Variants in EFHC2 observed in about 807,000 individuals in gnomAD.
The protein encoded by EFHC2 is EF-hand domain-containing family member C2.
In EFHC2, 18 loss-of-function variants were observed where a neutral mutation model predicts 52.7. The ratio of observed to expected loss-of-function variants is 0.34; its 90% CI spans 0.24 to 0.51. EFHC2 has a LOEUF of 0.51. Ranked by LOEUF, EFHC2 falls within the 20% of genes least tolerant of loss-of-function variation. EFHC2 has a pLI of 0.97. For missense variants in EFHC2, 513 were observed against 562.5 expected, an observed-to-expected ratio of 0.91 and a Z score of 0.89; for synonymous variants, 203 against 204.1, an observed-to-expected ratio of 0.99 and a Z score of 0.04.
At position 44,312,558 on chromosome X, in the gene EFHC2, T is replaced by C. The variant is rs1161981631; in HGVS notation, c.231+10A>G. ...TAAGACTGCATTCCTCCCAGTGTCATGTGACTTACCTGTTTATCAAAGGCT... is the reference window on the plus strand; with the variant it reads ...TAAGACTGCATTCCTCCCAGTGTCACGTGACTTACCTGTTTATCAAAGGCT... On this transcript the variant is annotated intron_variant, in intron 2 of 14. Coordinates refer to ENST00000420999, the MANE Select transcript of EFHC2 (RefSeq NM_025184.4). The C allele has an allele frequency of 8.5e-7, 1 of 1,181,726 alleles. No individual in the cohort carries two copies.
chrX:44,168,714 T>C (rs1312846032), intron 13 of EFHC2, among the ~76,000 whole-genome samples: 1 of 110,131 alleles, frequency 9.1e-6, no homozygotes, highest in Non-Finnish European at 1.9e-5. Context: ...GTGCCTTCCT[T>C]CCCCTTTTCT....
Position 44,177,827 on chromosome X carries a change from C to T in EFHC2, c.1949+540G>A, listed in dbSNP as rs2036798777. Among the ~76,000 whole-genome samples, 3 of 110,671 alleles carry T rather than the reference C, an allele frequency of 2.7e-5. No homozygotes were observed. The South Asian group carries it at 1.1e-3, about 42-fold the overall frequency. ...CCTCCTAACATTTTGATTTACTATGCTTCAGTTGAAAGCTTCTAGAAACAA... is the reference window on the plus strand; with the variant it reads ...CCTCCTAACATTTTGATTTACTATGTTTCAGTTGAAAGCTTCTAGAAACAA... On this transcript the variant is annotated intron_variant, in intron 12 of 14. Coordinates refer to ENST00000420999, the MANE Select transcript of EFHC2 (RefSeq NM_025184.4).
Position 44,343,657 on chromosome X carries a change from G to A in EFHC2, c.-69C>T, listed in dbSNP as rs1414181079. On this transcript the variant is annotated 5_prime_UTR_variant, in exon 1 of 15. In the 5' UTR this introduces an upstream ATG that the reference lacks. Coordinates refer to ENST00000420999, the MANE Select transcript of EFHC2 (RefSeq NM_025184.4). The stretch of plus-strand genomic sequence containing the variant: ...CGGCAGGCAGCGGCGCCTCCCGGCC[G>A]TGTTGTTTGGCCCCCACGTTGCCTG... 8.9e-7 allele frequency: 1 copy of A among 1,117,838 alleles called. No homozygotes were observed. The allele number at this position is 1,117,838 out of a possible 1,213,427, so 92.1% of individuals were successfully genotyped here.
intron 11 of EFHC2, among the ~76,000 whole-genome samples, chrX:44,225,437 A>G (rs982497482): frequency 2.7e-5 from 3 of 109,791 alleles, no homozygotes; most frequent in Non-Finnish European, 5.7e-5. Context: ...CTGAGAGGAG[A>G]TGCACATCTC....
At chrX:44,282,012 C>T (rs900846147) in intron 2 of EFHC2, among the ~76,000 whole-genome samples, 1 of 110,793 alleles carries the variant, frequency 9.0e-6, no homozygotes, top group Non-Finnish European at 1.9e-5. Flanking sequence ...TTATGAGGAA[C>T]CAATTTAAAA....
chrX:44,257,638 C>G (rs2037501839), intron 4 of EFHC2, among the ~76,000 whole-genome samples: 1 of 111,490 alleles, frequency 9.0e-6, no homozygotes, highest in Non-Finnish European at 1.9e-5. Flanking sequence ...TAAGGGAGGA[C>G]ACAAACAAAT....
chrX:44,304,132 C>T (rs2037887379), intron 2 of EFHC2, among the ~76,000 whole-genome samples: 3 of 112,276 alleles, frequency 2.7e-5, no homozygotes, highest in South Asian at 3.7e-4. Flanking sequence ...GCCACCATAG[C>T]GTAGCATAAA....
chrX:44,243,419 T>C (rs184023617), intron 7 of EFHC2, among the ~76,000 whole-genome samples: 63 of 112,308 alleles, frequency 5.6e-4, no homozygotes, highest in Non-Finnish European at 9.6e-4. Flanking sequence ...CAAATTTTAG[T>C]GCACACCTCC....
Position 44,257,773 on chromosome X carries a change from GA to G in EFHC2, c.606+3301del, listed in dbSNP as rs745370152. 3.0e-3 allele frequency among the ~76,000 whole-genome samples: 340 copies of G among 111,534 alleles called. 2 individuals carry two copies. The highest frequency in any genetic ancestry group is 9.3e-3 in the Middle Eastern group (2 of 215). ...ACCACTGACTTTCTTCACAGAATTA[GA>G]AAAAAACTACTTTACATTTTATATA... On this transcript the variant is annotated intron_variant, in intron 4 of 14. Coordinates refer to ENST00000420999, the MANE Select transcript of EFHC2 (RefSeq NM_025184.4).
At chrX:44,234,832 C>T (rs1459224817) in intron 9 of EFHC2, among the ~76,000 whole-genome samples, 1 of 111,842 alleles carries the variant, frequency 8.9e-6, no homozygotes, top group Non-Finnish European at 1.9e-5. Context: ...ACAACCTCAA[C>T]AGACAGAAGG....
intron 11 of EFHC2, among the ~76,000 whole-genome samples, chrX:44,213,691 G>A (rs1409468976): frequency 8.9e-6 from 1 of 112,119 alleles, no homozygotes; most frequent in Non-Finnish European, 1.9e-5. Context: ...TCATGCAGAT[G>A]AAGGCTCCAG....
In EFHC2 at chrX:44,178,440, C is replaced by T. The variant is rs1476775099; in HGVS notation, c.1876G>A (p.Glu626Lys). The T allele has an allele frequency of 1.0e-5, 12 of 1,203,903 alleles. No individual in the cohort carries two copies. Among genetic ancestry groups the T allele is most frequent in the Non-Finnish European group, 4.5e-6 (4 of 891,774 alleles). ...TCAAACATATTTTTCTTGAACTTTT[C>T]GTGGGCCAGTGCGATTAAGAAATCC... is the stretch of plus-strand genomic sequence containing the variant. The part of the protein sequence containing the change: ...DMDFLIALAH[E>K]KFKKNMFENF... The change falls in exon 12 of 15, where the codon GAA becomes AAA. Residue 626 changes from glutamate (E) to lysine (K), a missense_variant. By Grantham distance (56) the Glu-to-Lys change is moderately conservative. Transcript: ENST00000420999.
chrX:44,315,827 G>A (rs750552097), intron 1 of EFHC2, among the ~76,000 whole-genome samples: 1 of 111,016 alleles, frequency 9.0e-6, no homozygotes, highest in South Asian at 3.8e-4. Context: ...GGCGAATCTG[G>A]TAAAAAAAGA....
In EFHC2 at chrX:44,232,663, T is replaced by C; in HGVS notation, c.1438A>G (p.Met480Val). ...IERNSGIAGG[M>V]FLKRSRVKKP... ...TTAACGCGACTTCTTTTCAAGAACA[T>C]CCCACCAGCAATTCCTATAAAAAAT... Residue 480 changes from methionine (M) to valine (V), a missense_variant, in exon 10 of 15, where the codon ATG (methionine) becomes GTG (valine). By Grantham distance (21) the Met-to-Val change is conservative. Transcript: ENST00000420999. The C allele has an allele frequency of 8.4e-7, 1 of 1,193,769 alleles. No individual in the cohort carries two copies. Among genetic ancestry groups the C allele is most frequent in the Non-Finnish European group, 1.1e-6 (1 of 886,213 alleles).
chrX:44,250,870 T>C (rs1321801597), intron 4 of EFHC2, among the ~76,000 whole-genome samples: 2 of 108,766 alleles, frequency 1.8e-5, no homozygotes, highest in Non-Finnish European at 3.8e-5. Flanking sequence ...GATATATTTT[T>C]CTACAGATTA....
At chrX:44,340,105 A>G (rs773405815) in intron 1 of EFHC2, among the ~76,000 whole-genome samples, 1 of 111,629 alleles carries the variant, frequency 9.0e-6, no homozygotes, top group Non-Finnish European at 1.9e-5. Context: ...GAGTCTAGAA[A>G]TAGACCCACA....
intron 1 of EFHC2, among the ~76,000 whole-genome samples, chrX:44,319,430 G>T (rs2038003859): frequency 9.0e-6 from 1 of 111,356 alleles, no homozygotes; most frequent in African/African-American, 3.3e-5. Context: ...AAACACCCGG[G>T]CCTCACTCTT....
chrX:44,337,178 ATATTATGCTGACT>A (rs1232833457), intron 1 of EFHC2, among the ~76,000 whole-genome samples: 2 of 111,945 alleles, frequency 1.8e-5, no homozygotes, highest in African/African-American at 6.5e-5. Context: ...TAACATGTTT[ATATTATGCTGACT>A]GAAAAGTTTT....
chrX:44,163,868 A>G, intron 14 of EFHC2, 54 bp downstream of exon 14: 1 of 817,235 alleles, frequency 1.2e-6, no homozygotes, highest in South Asian at 2.3e-5. Context: ...AAAGGATATT[A>G]AACATGCAAG....
Sources: allele counts gnomAD v4.1 joint callset (sites outside exome capture counted in the v4.1 genomes callset), GRCh38; gene constraint gnomAD v4.1.1; transcripts MANE v1.5; gene names NCBI Gene and HGNC (gene_info 2026-07-23, HGNC 2026-07-21).